Variants in COL4A5 observed in about 807,000 individuals in gnomAD.
COL4A5 encodes collagen type IV alpha 5 chain.
A neutral mutation model predicts 130.2 loss-of-function variants in COL4A5; 26 were observed. The ratio of observed to expected loss-of-function variants is 0.20; its 90% CI spans 0.15 to 0.28. The LOEUF is 0.28. Ranked by LOEUF, COL4A5 falls within the 10% of genes least tolerant of loss-of-function variation. The pLI is 1.00. For missense variants in COL4A5, 1,131 were observed against 1,344.3 expected, an observed-to-expected ratio of 0.84 and a Z score of 2.48; for synonymous variants, 496 against 439.6, an observed-to-expected ratio of 1.13 and a Z score of -1.60.
Position 108,533,950 on chromosome X carries a change from C to T in COL4A5, c.82-5796C>T, listed in dbSNP as rs766913284. Among the ~76,000 whole-genome samples, 3 of 111,084 alleles carry T rather than the reference C, an allele frequency of 2.7e-5. No homozygotes were observed. In the South Asian group the frequency reaches 1.1e-3, roughly 42 times the overall value. ...ATGGTATATGTAAAATGCTCAACAT[C>T]GCTAATCATCAGAGAAATGCAGATG... On this transcript the variant is annotated intron_variant, in intron 1 of 52. Transcript: ENST00000328300.
At position 108,666,533 on chromosome X, in the gene COL4A5, C is replaced by T. The variant is rs967018326; in HGVS notation, c.3492C>T (p.Gly1164=). Residue 1164 remains glycine (G), a synonymous_variant, in exon 39 of 53, where the codon GGC becomes GGT. Coordinates refer to ENST00000328300, the MANE Select transcript of COL4A5 (RefSeq NM_033380.3). ...GGHPGQPGPP[G]EKGKPGQDGI... ...ATCCTGGGCAACCAGGGCCTCCAGG[C>T]GAAAAAGGCAAACCCGGTCAAGATG... 3 of 1,206,890 alleles carry T rather than the reference C, an allele frequency of 2.5e-6. No individual in the cohort carries two copies. Among genetic ancestry groups the T allele is most frequent in the South Asian group, 1.8e-5 (1 of 56,125 alleles).
chrX:108,648,642 C>T (rs776678413), intron 36 of COL4A5, among the ~76,000 whole-genome samples: 10 of 111,606 alleles, frequency 9.0e-5, no homozygotes, highest in South Asian at 7.4e-4. Context: ...AAAAGTCACA[C>T]GATCATTTCT....
At chrX:108,549,517 C>G (rs1444738986) in intron 2 of COL4A5, among the ~76,000 whole-genome samples, 1 of 111,317 alleles carries the variant, frequency 9.0e-6, no homozygotes, top group Non-Finnish European at 1.9e-5. Context: ...AGGAATAAAT[C>G]AAGGAAAATT....
At chrX:108,459,713 A>G (rs998993466) in intron 1 of COL4A5, among the ~76,000 whole-genome samples, 13 of 112,235 alleles carry the variant, frequency 1.2e-4, no homozygotes, top group South Asian at 3.7e-4. Flanking sequence ...CATCTAGCAG[A>G]CAGCCTTTCA....
intron 1 of COL4A5, among the ~76,000 whole-genome samples, chrX:108,538,623 G>A (rs899645983): frequency 4.5e-5 from 5 of 111,366 alleles, no homozygotes; most frequent in African/African-American, 1.6e-4. Context: ...AGCAGGCTAA[G>A]GTATTTTATA....
At chrX:108,654,118 A>G (rs897870731) in intron 36 of COL4A5, among the ~76,000 whole-genome samples, 2 of 112,464 alleles carry the variant, frequency 1.8e-5, no homozygotes, top group Non-Finnish European at 3.8e-5. Flanking sequence ...AAAGGTCCTG[A>G]TCTTCATGCG....
intron 25 of COL4A5, among the ~76,000 whole-genome samples, chrX:108,599,501 T>C (rs965960512): frequency 1.8e-5 from 2 of 110,816 alleles, no homozygotes; most frequent in Admixed American, 1.9e-4. Flanking sequence ...ATCCATTCTA[T>C]GGTTAATGGT....
intron 36 of COL4A5, among the ~76,000 whole-genome samples, chrX:108,632,201 T>A (rs1488710383): frequency 9.0e-6 from 1 of 110,632 alleles, no homozygotes; most frequent in Non-Finnish European, 1.9e-5. Flanking sequence ...TATAAACACC[T>A]CTATGCAAAT....
At chrX:108,594,073 A>G (rs1045821460) in intron 21 of COL4A5, among the ~76,000 whole-genome samples, 2 of 111,712 alleles carry the variant, frequency 1.8e-5, no homozygotes, top group Admixed American at 1.9e-4. Context: ...TTTGAACTTG[A>G]CATCCTGATC....
chrX:108,629,649 T>G (rs1175675918), intron 36 of COL4A5, among the ~76,000 whole-genome samples: 1 of 111,489 alleles, frequency 9.0e-6, no homozygotes, highest in Non-Finnish European at 1.9e-5. Context: ...GCATAGTTTT[T>G]TATTTTATTT....
chrX:108,561,966 A>G (rs758522323), intron 3 of COL4A5, among the ~76,000 whole-genome samples: 13 of 112,015 alleles, frequency 1.2e-4, no homozygotes, highest in African/African-American at 4.2e-4. Context: ...TTGGTGGATG[A>G]ACTACTCAGC....
At chrX:108,546,374 G>A (rs1209249059) in intron 2 of COL4A5, among the ~76,000 whole-genome samples, 6 of 111,685 alleles carry the variant, frequency 5.4e-5, no homozygotes, top group Non-Finnish European at 1.1e-4. Flanking sequence ...ATGAAGTTTA[G>A]TTTGGCTGGA....
chrX:108,537,786 G>A (rs1258182319), intron 1 of COL4A5, among the ~76,000 whole-genome samples: 1 of 111,654 alleles, frequency 9.0e-6, no homozygotes, highest in Non-Finnish European at 1.9e-5. Flanking sequence ...GCCATTTGGG[G>A]TTATCACTAC....
chrX:108,594,006 C>A (rs1313711391), intron 21 of COL4A5, among the ~76,000 whole-genome samples: 1 of 111,847 alleles, frequency 8.9e-6, no homozygotes, highest in South Asian at 3.7e-4. Flanking sequence ...TTTATGCCTC[C>A]TATCCAGATA....
chrX:108,625,994 A>G (rs2067146447), intron 35 of COL4A5, among the ~76,000 whole-genome samples, 200 bp downstream of exon 35: 1 of 112,108 alleles, frequency 8.9e-6, no homozygotes, highest in South Asian at 3.7e-4. Context: ...CTTAAAAGTT[A>G]TAATTCACAA....
intron 30 of COL4A5, among the ~76,000 whole-genome samples, chrX:108,616,528 G>A (rs1004543992): frequency 4.5e-5 from 5 of 111,218 alleles, no homozygotes; most frequent in East Asian, 2.8e-4. Flanking sequence ...GAGCCACTGC[G>A]CCCGGCCCCT....
chrX:108,545,115 C>G (rs2065624412), intron 2 of COL4A5, among the ~76,000 whole-genome samples: 1 of 111,597 alleles, frequency 9.0e-6, no homozygotes, highest in Admixed American at 9.5e-5. Context: ...TCTTTCAGTT[C>G]TGCCCTGATC....
At chrX:108,600,968 T>G (rs2066617447) in intron 25 of COL4A5, among the ~76,000 whole-genome samples, 1 of 111,574 alleles carries the variant, frequency 9.0e-6, no homozygotes, top group African/African-American at 3.3e-5. Flanking sequence ...TTTTGTTGTA[T>G]CCGGTCCCTC....
At chrX:108,527,680 G>A (rs1322736922) in intron 1 of COL4A5, among the ~76,000 whole-genome samples, 2 of 111,166 alleles carry the variant, frequency 1.8e-5, no homozygotes, top group African/African-American at 6.6e-5. Context: ...ACTCACCATT[G>A]GGGTCCTGAG....
Sources: allele counts gnomAD v4.1 joint callset (sites outside exome capture counted in the v4.1 genomes callset), GRCh38; gene constraint gnomAD v4.1.1; transcripts MANE v1.5; gene names NCBI Gene and HGNC (gene_info 2026-07-23, HGNC 2026-07-21).